The following FHIT variants were observed in gnomAD, a reference collection of about 807,000 sequenced individuals.
FHIT encodes fragile histidine triad diadenosine triphosphatase, also known as bis(5'-adenosyl)-triphosphatase.
Under a neutral mutation model 17.9 loss-of-function variants are expected in FHIT, and 19 were observed. The ratio of observed to expected loss-of-function variants is 1.06; its 90% CI spans 0.74 to 1.56. FHIT has a LOEUF of 1.56. Ranked by LOEUF, FHIT falls within the 40% of genes most tolerant of loss-of-function variation. The pLI, the probability that FHIT is intolerant of heterozygous loss-of-function variation, is 0.00. For synonymous variants in FHIT, 81 were observed against 69.7 expected, an observed-to-expected ratio of 1.16 and a Z score of -0.81; for missense variants, 248 against 189.2, an observed-to-expected ratio of 1.31 and a Z score of -1.82.
chr3:59,754,322 A>ATTTTGCCATGTAGATTT (rs1701087518), intron 8 of FHIT, among the ~76,000 whole-genome samples: 1 of 152,174 alleles, frequency 6.6e-6, no homozygotes, highest in Non-Finnish European at 1.5e-5. Flanking sequence ...CTGATTTTAC[A>ATTTTGCCATGTAGATTT]TTTTGCCATG....
intron 2 of FHIT, among the ~76,000 whole-genome samples, chr3:61,086,942 G>T (rs1373207456): frequency 6.6e-6 from 1 of 151,890 alleles, no homozygotes; most frequent in Non-Finnish European, 1.5e-5. Context: ...TCACTCCCTT[G>T]TTCACTCCTC....
At chr3:60,514,211 G>T (rs1250631700) in intron 5 of FHIT, among the ~76,000 whole-genome samples, 1 of 152,226 alleles carries the variant, frequency 6.6e-6, no homozygotes, top group Non-Finnish European at 1.5e-5. Flanking sequence ...CTGTCACACT[G>T]ACTCTTCACT....
Position 60,736,667 on chromosome 3 carries a change from C to T in FHIT, c.-18+85252G>A, listed in dbSNP as rs373526301. 2.4e-4 allele frequency among the ~76,000 whole-genome samples: 36 copies of T among 152,232 alleles called. No homozygotes were observed. The South Asian group carries it at 6.0e-3, about 25-fold the overall frequency. ...GAGGAAGGACAGTGACTGTTAATGGCTAGGGGTTTCTTTTCAGAGTGATGA... is the reference window on the plus strand; with the variant it reads ...GAGGAAGGACAGTGACTGTTAATGGTTAGGGGTTTCTTTTCAGAGTGATGA... On this transcript the variant is annotated intron_variant, in intron 4 of 9. Transcript: ENST00000492590.
rs1191657294 is a variant in FHIT at position 59,747,500 on chromosome 3, G to A, written c.*2085C>T. Among the ~76,000 whole-genome samples, 16 of 152,130 alleles carry A rather than the reference G, an allele frequency of 1.1e-4. No individual in the cohort carries two copies. Among genetic ancestry groups the A allele is most frequent in the Admixed American group, 1.0e-3 (16 of 15,266 alleles). Reference sequence around the variant, plus strand: ...CCCATGACATGTGGGGATTATGGGAGCTACAATTCAAGATGAGATGTGGGT... The same window carrying A: ...CCCATGACATGTGGGGATTATGGGAACTACAATTCAAGATGAGATGTGGGT... On this transcript the variant is annotated 3_prime_UTR_variant, in exon 10 of 10. Transcript: ENST00000492590.
intron 5 of FHIT, among the ~76,000 whole-genome samples, chr3:60,199,601 A>G (rs1192260692): frequency 3.3e-5 from 5 of 152,180 alleles, no homozygotes; most frequent in Non-Finnish European, 7.4e-5. Context: ...TAAGACAGAA[A>G]AGGCCTACAA....
chr3:59,903,734 C>T (rs1162130817), intron 8 of FHIT, among the ~76,000 whole-genome samples: 1 of 152,112 alleles, frequency 6.6e-6, no homozygotes, highest in African/African-American at 2.4e-5. Flanking sequence ...AGGCAGCAAT[C>T]TGAAAGTGAA....
intron 5 of FHIT, among the ~76,000 whole-genome samples, chr3:60,191,570 C>T (rs1702405352): frequency 6.6e-6 from 1 of 152,118 alleles, no homozygotes; most frequent in Non-Finnish European, 1.5e-5. Flanking sequence ...TCCTCTCCTC[C>T]AGAAACAGAC....
At chr3:60,839,049 G>A (rs918107367) in intron 3 of FHIT, among the ~76,000 whole-genome samples, 9 of 152,006 alleles carry the variant, frequency 5.9e-5, no homozygotes, top group Admixed American at 5.9e-4. Flanking sequence ...ACACCCATTG[G>A]AACAAGCAAG....
At chr3:60,559,592 T>C (rs1316345208) in intron 4 of FHIT, among the ~76,000 whole-genome samples, 3 of 152,196 alleles carry the variant, frequency 2.0e-5, no homozygotes, top group Admixed American at 6.5e-5. Flanking sequence ...CACAGTATAA[T>C]GTTCTGATCC....
intron 3 of FHIT, among the ~76,000 whole-genome samples, chr3:60,926,380 C>G (rs1707614244): frequency 2.0e-5 from 3 of 152,174 alleles, no homozygotes; most frequent in Admixed American, 1.3e-4. Context: ...TGCAATCAAA[C>G]TAGAACTCAG....
At chr3:59,950,488 C>T (rs1393326475) in intron 7 of FHIT, among the ~76,000 whole-genome samples, 2 of 152,200 alleles carry the variant, frequency 1.3e-5, no homozygotes, top group Admixed American at 6.5e-5. Context: ...CTATCACTCA[C>T]TCCCCTCTTA....
chr3:60,310,508 T>C (rs1708892344), intron 5 of FHIT, among the ~76,000 whole-genome samples: 1 of 151,880 alleles, frequency 6.6e-6, no homozygotes, highest in Non-Finnish European at 1.5e-5. Context: ...TCAGTACTGA[T>C]AAAAGAGGAA....
At chr3:60,225,370 T>A (rs777245051) in intron 5 of FHIT, among the ~76,000 whole-genome samples, 1 of 152,122 alleles carries the variant, frequency 6.6e-6, no homozygotes, top group African/African-American at 2.4e-5. Context: ...TTGAGAGTTG[T>A]GAGATCAATG....
At chr3:60,905,298 C>A (rs1178929339) in intron 3 of FHIT, among the ~76,000 whole-genome samples, 2 of 152,152 alleles carry the variant, frequency 1.3e-5, no homozygotes, top group Non-Finnish European at 2.9e-5. Context: ...ACAATATACT[C>A]TATTAGCAAA....
At chr3:60,673,766 T>C (rs2040561998) in intron 4 of FHIT, among the ~76,000 whole-genome samples, 1 of 152,170 alleles carries the variant, frequency 6.6e-6, no homozygotes, top group Non-Finnish European at 1.5e-5. Context: ...TTTAGGAGTC[T>C]AAAATAACTC....
chr3:60,179,239 A>G (rs1701816483), intron 5 of FHIT, among the ~76,000 whole-genome samples: 1 of 152,200 alleles, frequency 6.6e-6, no homozygotes. Context: ...AGAAGAGAAA[A>G]CCAAAGTTCA....
At chr3:60,994,514 A>G (rs1353397676) in intron 3 of FHIT, among the ~76,000 whole-genome samples, 1 of 152,234 alleles carries the variant, frequency 6.6e-6, no homozygotes, top group African/African-American at 2.4e-5. Context: ...TCAGATTAGA[A>G]TTCTGCCTCT....
intron 8 of FHIT, among the ~76,000 whole-genome samples, chr3:59,821,720 G>A (rs1381894943): frequency 4.6e-5 from 7 of 151,766 alleles, no homozygotes; most frequent in Non-Finnish European, 5.9e-5. Flanking sequence ...GATTACAACT[G>A]TTTCCTTCTG....
intron 4 of FHIT, among the ~76,000 whole-genome samples, chr3:60,549,669 C>T (rs1576856970): frequency 1.3e-5 from 2 of 152,108 alleles, no homozygotes; most frequent in South Asian, 2.1e-4. Context: ...TTTGTCATGA[C>T]TTAGGAATAC....
Sources: gnomAD v4.1 joint callset for allele counts (sites outside exome capture counted in the v4.1 genomes callset) on GRCh38, gnomAD v4.1.1 for gene constraint, MANE v1.5 for transcripts, NCBI Gene and HGNC (gene_info 2026-07-23, HGNC 2026-07-21) for gene names.